PRIM2: variants seen among roughly 807,000 people sequenced by gnomAD.
PRIM2 encodes the protein DNA primase subunit 2.
A neutral mutation model predicts 67.3 loss-of-function variants in PRIM2; 39 were observed. The observed-to-expected ratio is 0.58, with a 90% CI of 0.45 to 0.76. PRIM2 has a LOEUF of 0.76. Among genes scored for constraint, PRIM2 ranks in the 30% least tolerant of loss-of-function variants. PRIM2 has a pLI of 0.00. For synonymous variants in PRIM2, 143 were observed against 198.7 expected (o/e 0.72, Z 2.36); for missense variants, 398 against 598.7 (o/e 0.66, Z 3.50).
intron 7 of PRIM2, among the ~76,000 whole-genome samples, chr6:57,476,746 A>ATATT (rs1282185437): frequency 1.3e-5 from 2 of 151,960 alleles, no homozygotes; most frequent in Non-Finnish European, 2.9e-5. Flanking sequence ...GATTATTTTT[A>ATATT]TATTTATTTA....
At chr6:57,508,232 C>A (rs1554347396) in intron 8 of PRIM2, among the ~76,000 whole-genome samples, 5 of 152,018 alleles carry the variant, frequency 3.3e-5, no homozygotes, top group Non-Finnish European at 7.4e-5. Flanking sequence ...CCACCGCACC[C>A]TGCCCTTTCT....
At chr6:57,569,308 T>G (rs1775816828) in intron 10 of PRIM2, among the ~76,000 whole-genome samples, 1 of 152,186 alleles carries the variant, frequency 6.6e-6, no homozygotes. Flanking sequence ...AAATTATTGA[T>G]AGTTAACAAA....
chr6:57,341,747 C>T (rs369309877), intron 5 of PRIM2, among the ~76,000 whole-genome samples: 5,438 of 152,254 alleles, frequency 0.036, 314 homozygotes, highest in African/African-American at 0.12. Flanking sequence ...AAGTTACTAG[C>T]ATTTGTTTCA....
At chr6:57,605,271 G>A (rs1776539396) in intron 11 of PRIM2, among the ~76,000 whole-genome samples, 1 of 152,192 alleles carries the variant, frequency 6.6e-6, no homozygotes, top group African/African-American at 2.4e-5. Context: ...TGGTATCAGG[G>A]TGATGCTGGC....
the PRIM2 span, among the ~76,000 whole-genome samples, chr6:57,241,787 C>T: frequency 6.7e-6 from 1 of 150,080 alleles, no homozygotes; most frequent in East Asian, 2.0e-4. Flanking sequence ...ATTCTCCTGC[C>T]TCAACCTCCC....
chr6:57,323,785 A>C (rs1767741393), intron 3 of PRIM2, among the ~76,000 whole-genome samples: 1 of 145,546 alleles, frequency 6.9e-6, no homozygotes, highest in African/African-American at 2.5e-5. Flanking sequence ...AGTAAAAAGG[A>C]AAAAAAAAAA....
chr6:57,274,620 G>A, the PRIM2 span, among the ~76,000 whole-genome samples: 15 of 152,192 alleles, frequency 9.9e-5, no homozygotes, highest in African/African-American at 1.9e-4. Context: ...TGCACGGTGC[G>A]CTGCACCCAC....
At chr6:57,323,662 A>G (rs1562692857) in intron 3 of PRIM2, among the ~76,000 whole-genome samples, 1 of 152,028 alleles carries the variant, frequency 6.6e-6, no homozygotes, top group Non-Finnish European at 1.5e-5. Context: ...CATTAGGACA[A>G]ATACCTAATG....
the PRIM2 span, among the ~76,000 whole-genome samples, chr6:57,252,814 T>C: frequency 6.6e-6 from 1 of 152,238 alleles, no homozygotes; most frequent in Non-Finnish European, 1.5e-5. Flanking sequence ...GCATTCTCAC[T>C]GCAGCTCTGT....
chr6:57,227,425 C>A, the PRIM2 span, among the ~76,000 whole-genome samples: 1 of 152,268 alleles, frequency 6.6e-6, no homozygotes, highest in South Asian at 2.1e-4. Flanking sequence ...AGGAGGATCA[C>A]CTGAGGTCAG....
intron 12 of PRIM2, among the ~76,000 whole-genome samples, chr6:57,609,938 C>A (rs1385728763): frequency 6.6e-6 from 1 of 151,934 alleles, no homozygotes; most frequent in Non-Finnish European, 1.5e-5. Flanking sequence ...AAACTCCAAG[C>A]GTACATTAAA....
At chr6:57,276,710 A>T in the PRIM2 span, among the ~76,000 whole-genome samples, 8 of 151,870 alleles carry the variant, frequency 5.3e-5, no homozygotes, top group African/African-American at 1.7e-4. Context: ...CCTGAGCAAC[A>T]TGGTGAAACC....
At chr6:57,403,151 T>G (rs1770768070) in intron 7 of PRIM2, among the ~76,000 whole-genome samples, 1 of 152,228 alleles carries the variant, frequency 6.6e-6, no homozygotes, top group South Asian at 2.1e-4. Context: ...ACTGGTTTCA[T>G]TCATTACAGA....
rs1439365391 is a variant in PRIM2 at position 57,480,966 on chromosome 6, G to A, written c.694-26421G>A. ...CTTATTTCAAGAATATTATATAAGT[G>A]GAATTATATAACTTTTAACTTTTTA... On this transcript the variant is annotated intron_variant, in intron 7 of 13. Coordinates refer to ENST00000615550, the MANE Select transcript of PRIM2 (RefSeq NM_000947.5). Among the ~76,000 whole-genome samples, 93 of 152,086 alleles carry A rather than the reference G, an allele frequency of 6.1e-4. 1 individual carries two copies. Among genetic ancestry groups the A allele is most frequent in the Non-Finnish European group, 9.1e-4 (62 of 68,022 alleles).
intron 7 of PRIM2, among the ~76,000 whole-genome samples, chr6:57,440,091 A>T (rs1772154584): frequency 2.0e-5 from 3 of 151,210 alleles, no homozygotes; most frequent in African/African-American, 7.3e-5. Context: ...ACTATTGAGA[A>T]TCCCATCATG....
At chr6:57,363,880 T>G (rs1319046016) in intron 5 of PRIM2, among the ~76,000 whole-genome samples, 2 of 152,180 alleles carry the variant, frequency 1.3e-5, no homozygotes, top group Admixed American at 6.6e-5. Flanking sequence ...GTCTGGTGTG[T>G]TAGTCAACTG....
intron 13 of PRIM2, among the ~76,000 whole-genome samples, chr6:57,639,453 G>A (rs1270410816): frequency 6.6e-6 from 1 of 151,868 alleles, no homozygotes; most frequent in East Asian, 1.9e-4. Context: ...AAAAATCAAT[G>A]TATCCAGAAG....
intron 3 of PRIM2, among the ~76,000 whole-genome samples, chr6:57,321,668 A>G (rs931780621): frequency 2.0e-5 from 3 of 152,170 alleles, no homozygotes; most frequent in African/African-American, 7.2e-5. Flanking sequence ...GATATTAATA[A>G]TGATAATAGG....
chr6:57,525,975 C>A (rs1554349337), intron 8 of PRIM2, among the ~76,000 whole-genome samples: 1 of 152,120 alleles, frequency 6.6e-6, no homozygotes, highest in East Asian at 1.9e-4. Context: ...TAATTAGAAT[C>A]TTTTACATCC....
Sources: gnomAD v4.1 joint callset for allele counts (sites outside exome capture counted in the v4.1 genomes callset) on GRCh38, gnomAD v4.1.1 for gene constraint, MANE v1.5 for transcripts, NCBI Gene and HGNC (gene_info 2026-07-23, HGNC 2026-07-21) for gene names.